SLIT3: variants seen among roughly 807,000 people sequenced by gnomAD.
SLIT3 encodes the protein slit guidance ligand 3.
A neutral mutation model predicts 184.0 loss-of-function variants in SLIT3; 68 were observed. The ratio of observed to expected loss-of-function variants is 0.37; its 90% confidence interval spans 0.30 to 0.45. The LOEUF (loss-of-function observed/expected upper bound fraction) is 0.45. SLIT3 is among the 20% of genes least tolerant of loss of function. The pLI, the probability that SLIT3 is intolerant of heterozygous loss-of-function variation, is 1.00. For missense variants in SLIT3, 1,707 were observed against 2,026.0 expected (o/e 0.84, Z 3.02); for synonymous variants, 831 against 828.6 (o/e 1.00, Z -0.05).
intron 4 of SLIT3, among the ~76,000 whole-genome samples, chr5:168,920,943 A>G (rs1312419722): frequency 6.6e-6 from 1 of 152,160 alleles, no homozygotes; most frequent in Non-Finnish European, 1.5e-5. Flanking sequence ...ATCCTACGGG[A>G]TAACTGCTTG....
chr5:168,844,328 A>C (rs976334514), intron 6 of SLIT3, among the ~76,000 whole-genome samples: 1 of 152,128 alleles, frequency 6.6e-6, no homozygotes, highest in Non-Finnish European at 1.5e-5. Context: ...AGAAAGACTC[A>C]ATTGAGACTT....
intron 4 of SLIT3, among the ~76,000 whole-genome samples, chr5:169,066,579 T>C (rs1454113575): frequency 6.6e-6 from 1 of 152,216 alleles, no homozygotes; most frequent in African/African-American, 2.4e-5. Flanking sequence ...TCAATCCTCA[T>C]ACCCTGCTAG....
intron 6 of SLIT3, among the ~76,000 whole-genome samples, chr5:168,826,390 T>C (rs1757705471): frequency 6.6e-6 from 1 of 152,222 alleles, no homozygotes; most frequent in African/African-American, 2.4e-5. Flanking sequence ...CAGATTTATT[T>C]GATTTCCAGT....
intron 5 of SLIT3, among the ~76,000 whole-genome samples, chr5:168,856,608 G>A (rs1433294012): frequency 6.6e-6 from 1 of 152,166 alleles, no homozygotes; most frequent in Non-Finnish European, 1.5e-5. Flanking sequence ...GATGGAAGGA[G>A]AAAAATCACC....
At chr5:168,883,887 C>T (rs1032085006) in intron 4 of SLIT3, among the ~76,000 whole-genome samples, 28 of 152,122 alleles carry the variant, frequency 1.8e-4, no homozygotes, top group Non-Finnish European at 3.4e-4. Context: ...GGCCCCTAGA[C>T]CTTCTTAGTG....
intron 4 of SLIT3, among the ~76,000 whole-genome samples, chr5:169,162,642 AG>A (rs1762515978): frequency 1.3e-5 from 2 of 152,232 alleles, no homozygotes; most frequent in African/African-American, 4.8e-5. Flanking sequence ...CCGTGTTCAG[AG>A]GTTTGGGGTC....
intron 4 of SLIT3, chr5:169,120,128 C>T (rs1034778186): frequency 7.2e-5 from 11 of 152,280 alleles, no homozygotes; most frequent in African/African-American, 1.9e-4. Context: ...CCTTTTGTCC[C>T]ATTTAAAATT....
At chr5:168,698,163 T>A (rs752927221) in intron 27 of SLIT3, among the ~76,000 whole-genome samples, 1 of 152,156 alleles carries the variant, frequency 6.6e-6, no homozygotes, top group South Asian at 2.1e-4. Context: ...TAGAGAAGCA[T>A]GTGTATGAAG....
At chr5:169,215,983 A>G (rs1311884489) in intron 3 of SLIT3, among the ~76,000 whole-genome samples, 2 of 152,200 alleles carry the variant, frequency 1.3e-5, no homozygotes, top group African/African-American at 2.4e-5. Context: ...CTATTATGAG[A>G]GTTCATGCCT....
At chr5:168,927,049 G>C (rs1761850677) in intron 4 of SLIT3, among the ~76,000 whole-genome samples, 1 of 152,190 alleles carries the variant, frequency 6.6e-6, no homozygotes, top group Admixed American at 6.5e-5. Flanking sequence ...ATTGAATGCA[G>C]AGTCTTGAAG....
intron 3 of SLIT3, among the ~76,000 whole-genome samples, chr5:169,196,412 G>T (rs1247875277): frequency 6.6e-6 from 1 of 152,166 alleles, no homozygotes. Flanking sequence ...GGGTTACAGT[G>T]AGTCTTAAAT....
At chr5:169,292,620 T>C (rs541998344) in intron 1 of SLIT3, among the ~76,000 whole-genome samples, 2 of 152,262 alleles carry the variant, frequency 1.3e-5, no homozygotes, top group South Asian at 2.1e-4. Context: ...GCTGATTATA[T>C]TGACAACTTG....
At chr5:168,867,878 T>C (rs1369163269) in intron 5 of SLIT3, among the ~76,000 whole-genome samples, 1 of 152,100 alleles carries the variant, frequency 6.6e-6, no homozygotes, top group Non-Finnish European at 1.5e-5. Context: ...TCCATTCACA[T>C]CCTTGGCCTG....
chr5:168,740,640 C>T (rs904050359), intron 20 of SLIT3, among the ~76,000 whole-genome samples: 1 of 152,110 alleles, frequency 6.6e-6, no homozygotes, highest in Non-Finnish European at 1.5e-5. Context: ...CTCCTGCTTA[C>T]CCCCAACCCT....
chr5:169,053,992 G>A (rs1279187795), intron 4 of SLIT3, among the ~76,000 whole-genome samples: 1 of 152,102 alleles, frequency 6.6e-6, no homozygotes, highest in Non-Finnish European at 1.5e-5. Flanking sequence ...TCGGGAAGCT[G>A]AGGCAGGAGA....
At chr5:168,742,081 A>G (rs1194851461) in intron 20 of SLIT3, among the ~76,000 whole-genome samples, 1 of 124,472 alleles carries the variant, frequency 8.0e-6, no homozygotes, top group Non-Finnish European at 1.7e-5. Flanking sequence ...GAGAATATAA[A>G]TGCCCTGGAC....
At chr5:169,219,163 C>T (rs1231270405) in intron 3 of SLIT3, among the ~76,000 whole-genome samples, 1 of 152,142 alleles carries the variant, frequency 6.6e-6, no homozygotes, top group African/African-American at 2.4e-5. Context: ...TCCAGCCCTG[C>T]CCAGGGGTGG....
intron 26 of SLIT3, among the ~76,000 whole-genome samples, chr5:168,701,477 C>T (rs565987481): frequency 2.6e-5 from 4 of 152,112 alleles, no homozygotes; most frequent in Non-Finnish European, 2.9e-5. Context: ...CTGAAGGGGA[C>T]GTGTGAGCTG....
At chr5:168,847,884 G>A (rs1317939313) in intron 5 of SLIT3, among the ~76,000 whole-genome samples, 1 of 152,114 alleles carries the variant, frequency 6.6e-6, no homozygotes, top group Non-Finnish European at 1.5e-5. Context: ...GCCTTTGAAA[G>A]GCCTCCTTCA....
Sources: allele counts gnomAD v4.1 joint callset (sites outside exome capture counted in the v4.1 genomes callset), GRCh38; gene constraint gnomAD v4.1.1; transcripts MANE v1.5; gene names NCBI Gene and HGNC (gene_info 2026-07-23, HGNC 2026-07-21).